The following PCSK7 variants were observed in gnomAD, a reference collection of about 807,000 sequenced individuals.
The protein encoded by PCSK7 is lymphoma proprotein convertase.
Under a neutral mutation model 73.3 loss-of-function variants are expected in PCSK7, and 38 were observed. That is an observed-to-expected ratio of 0.52 (90% CI 0.40 to 0.68). The LOEUF is 0.68. PCSK7 is among the 30% of genes least tolerant of loss of function. PCSK7 has a pLI of 0.00. For missense variants in PCSK7, 692 were observed against 991.5 expected (o/e 0.70, Z 4.06); for synonymous variants, 296 against 383.8 (o/e 0.77, Z 2.68).
rs1357281681 is a variant in PCSK7, at chr11:117,230,302, C to A, written c.-13+47G>T. 2.5e-5 allele frequency: 4 copies of A among 158,198 alleles called. No homozygotes were observed. The South Asian group carries it at 7.8e-4, about 31-fold the overall frequency. 9.8% of individuals were successfully genotyped at this position (158,198 alleles called of 1,614,324 possible). A position where few individuals can be genotyped will look rare whatever the true frequency, so the allele number is the denominator to read the frequency against. On this transcript the variant is annotated intron_variant, in intron 2 of 16. Coordinates refer to ENST00000320934, the MANE Select transcript of PCSK7 (RefSeq NM_004716.4). ...ATCTTTCCCTAGCTGACTCCTCAGT[C>A]CAGTTGTCCTCAAGGCTAATTCCCC... is the stretch of plus-strand genomic sequence containing the variant.
In PCSK7 at chr11:117,205,415, G is replaced by A. The variant is rs964050522; in HGVS notation, c.*582C>T. On this transcript the variant is annotated 3_prime_UTR_variant, in exon 17 of 17. Transcript: ENST00000320934. ...AGTGAAGCAGCTCAGGCCTGGGGGA[G>A]CCGTGTGTATCCCAGCTGTGCCGGC... 7.3e-5 allele frequency: 17 copies of A among 233,620 alleles called. No individual in the cohort carries two copies. The highest frequency in any genetic ancestry group is 3.9e-4 in the Admixed American group (7 of 17,780). 14.5% of individuals were successfully genotyped at this position (233,620 alleles called of 1,614,324 possible). A position where few individuals can be genotyped will look rare whatever the true frequency, so the allele number is the denominator to read the frequency against.
chr11:117,229,293 G>A, intron 3 of PCSK7, 84 bp downstream of exon 3: 4 of 1,034,536 alleles, frequency 3.9e-6, no homozygotes, highest in Non-Finnish European at 1.4e-6. Context: ...GGAGGTGACT[G>A]AAGAGTGATA....
At chr11:117,217,631 C>G (rs2032037870) in intron 12 of PCSK7, 1 of 152,222 alleles carries the variant, frequency 6.6e-6, no homozygotes. Flanking sequence ...CATTCCTTCT[C>G]CTGCCATGGC....
intron 3 of PCSK7, among the ~76,000 whole-genome samples, chr11:117,228,606 A>C (rs1327513856): frequency 6.7e-6 from 1 of 149,852 alleles, no homozygotes; most frequent in Non-Finnish European, 1.5e-5. Flanking sequence ...GTTGGATGAT[A>C]CACTTCTTTT....
intron 12 of PCSK7, chr11:117,215,380 G>GTGTGTGTGTGTGTATA (rs1164738557): frequency 1.8e-5 from 1 of 55,900 alleles, no homozygotes; most frequent in Non-Finnish European, 2.8e-5. Context: ...GTGTGTGTGT[G>GTGTGTGTGTGTGTATA]TATATATATA....
At chr11:117,219,532 G>T in intron 10 of PCSK7, 59 bp downstream of exon 10, 1 of 1,519,224 alleles carries the variant, frequency 6.6e-7, no homozygotes, top group East Asian at 2.3e-5. Context: ...AAGGCCACCT[G>T]ATACCCGAAC....
At chr11:117,215,640 A>T (rs2031951967) in intron 12 of PCSK7, 1 of 150,306 alleles carries the variant, frequency 6.7e-6, no homozygotes, top group Non-Finnish European at 1.5e-5. Flanking sequence ...TGACCTTGTG[A>T]TCCACCCGCC....
intron 5 of PCSK7, chr11:117,226,923 A>G (rs2032453712): frequency 1.3e-5 from 6 of 459,422 alleles, no homozygotes; most frequent in Non-Finnish European, 1.9e-5. Context: ...ACAAGAAGGC[A>G]CTTTGTAATT....
intron 10 of PCSK7, 133 bp from the exon 11 acceptor site, chr11:117,219,297 C>A: frequency 1.4e-6 from 1 of 705,132 alleles, no homozygotes; most frequent in South Asian, 1.8e-5. Context: ...GGAATGGATT[C>A]CCCAAGGCAA....
intron 12 of PCSK7, chr11:117,215,351 A>G (rs1203531571): frequency 9.6e-6 from 1 of 104,030 alleles, no homozygotes. Context: ...ACGTGCCACC[A>G]TGCCTGGCTA....
chr11:117,215,364 T>TTTTTTTGTGTGTGTGTGTGTGTGTGTG (rs57433360), intron 12 of PCSK7: 1 of 84,920 alleles, frequency 1.2e-5, no homozygotes, highest in Admixed American at 1.2e-4. Context: ...CCTGGCTAAT[T>TTTTTTTGTGTGTGTGTGTGTGTGTGTG]TGTGTGTGTG....
intron 9 of PCSK7, 151 bp downstream of exon 9, chr11:117,223,057 G>C (rs532139122): frequency 1.4e-4 from 93 of 641,424 alleles, no homozygotes; most frequent in South Asian, 1.4e-3. Flanking sequence ...TACTCCAAGG[G>C]TGGCATGCCT....
rs1405658164 is a variant in PCSK7 at position 117,208,701 on chromosome 11, AG to A, written c.1691+195del. ...ACAAAGTCTAATCTAGGGGGTTCTT[AG>A]AAGGATTAGAGAACATGTATGTGAG... On this transcript the variant is annotated intron_variant, in intron 13 of 16. Transcript: ENST00000320934. 3 of 460,374 alleles carry A rather than the reference AG, an allele frequency of 6.5e-6. No homozygotes were observed. In the African/African-American group the frequency reaches 6.9e-5, roughly 11 times the overall value. The allele number at this position is 460,374 out of a possible 1,614,324, so 28.5% of individuals were successfully genotyped here.
chr11:117,213,567 T>C (rs1225565094), intron 12 of PCSK7: 1 of 152,214 alleles, frequency 6.6e-6, no homozygotes, highest in Non-Finnish European at 1.5e-5. Context: ...ATTTATGGCA[T>C]AGTTAGAGGA....
chr11:117,227,118 G>C (rs755922683), intron 5 of PCSK7, 39 bp downstream of exon 5: 22 of 1,534,502 alleles, frequency 1.4e-5, no homozygotes, highest in Non-Finnish European at 1.9e-5. Context: ...TGTGGTCACA[G>C]GAGCAGCCTA....
chr11:117,228,471 C>A, intron 3 of PCSK7, 121 bp from the exon 4 acceptor site: 1 of 786,406 alleles, frequency 1.3e-6, no homozygotes, highest in Non-Finnish European at 2.2e-6. Flanking sequence ...AGATTGCAGA[C>A]CAATAGGTCA....
rs1034376210 is a variant in PCSK7 at position 117,219,702 on chromosome 11, C to T, written c.1212G>A (p.Gly404=). The T allele has an allele frequency of 8.7e-6, 14 of 1,609,660 alleles. No homozygotes were observed. Among genetic ancestry groups the T allele is most frequent in the African/African-American group, 1.3e-5 (1 of 74,700 alleles). Residue 404 remains glycine (G), a synonymous_variant, in exon 10 of 17, where the codon GGG becomes GGA. Transcript: ENST00000320934. Reference sequence around the variant, plus strand: ...CTGCCAGAGGCGCTGCAGCTGAGGTCCCTGTGTGGCCCTCAGTGCAGCCAG... The same window carrying T: ...CTGCCAGAGGCGCTGCAGCTGAGGTTCCTGTGTGGCCCTCAGTGCAGCCAG... The part of the protein sequence containing the change: ...KGTGCTEGHT[G]TSAAAPLAAG...
In PCSK7 at chr11:117,204,376, C is replaced by G. The variant is rs1371304709; in HGVS notation, c.*1621G>C. The G allele has an allele frequency of 1.2e-6, 2 of 1,614,202 alleles. No homozygotes were observed. Among genetic ancestry groups the G allele is most frequent in the South Asian group, 1.1e-5 (1 of 91,086 alleles). On this transcript the variant is annotated 3_prime_UTR_variant, in exon 17 of 17. Coordinates refer to ENST00000320934, the MANE Select transcript of PCSK7 (RefSeq NM_004716.4). ...ATCAGTTAGAGCGGAGAGGGCTAGCCCTGAGCCCGGCCCTCCCCCAGCTCC... is the reference window on the plus strand; with the variant it reads ...ATCAGTTAGAGCGGAGAGGGCTAGCGCTGAGCCCGGCCCTCCCCCAGCTCC...
chr11:117,218,695 A>C lies in PCSK7; in HGVS notation c.1432-127T>G, dbSNP rs2032082683. On this transcript the variant is annotated intron_variant, in intron 11 of 16. Coordinates refer to ENST00000320934, the MANE Select transcript of PCSK7 (RefSeq NM_004716.4). The surrounding 1 kb of genome is among the most constrained non-coding windows in gnomAD (Gnocchi z 4.0). ...AGCTGTCTTTATTTTTCCACTCCTC[A>C]TCATCTTCCTTCAGCCCTCAGCTCC... The C allele has an allele frequency of 3.3e-6, 2 of 599,678 alleles. No individual in the cohort carries two copies. Among genetic ancestry groups the C allele is most frequent in the Non-Finnish European group, 2.9e-6 (1 of 340,474 alleles). The allele number at this position is 599,678 out of a possible 1,614,324, so 37.1% of individuals were successfully genotyped here.
Sources: allele counts gnomAD v4.1 joint callset (sites outside exome capture counted in the v4.1 genomes callset), GRCh38; gene constraint gnomAD v4.1.1; non-coding constraint Gnocchi (gnomAD v3.1); transcripts MANE v1.5; gene names NCBI Gene and HGNC (gene_info 2026-07-23, HGNC 2026-07-21).